ASIC2: variants seen among roughly 807,000 people sequenced by gnomAD.
ASIC2 encodes acid sensing ion channel subunit 2.
In ASIC2, 25 loss-of-function variants were observed where a neutral mutation model predicts 57.3. The ratio of observed to expected loss-of-function variants is 0.44; its 90% CI spans 0.32 to 0.61. The LOEUF is 0.61. Among genes scored for constraint, ASIC2 ranks in the 20% least tolerant of loss-of-function variants. The probability of loss-of-function intolerance (pLI) is 0.06; values close to 1 mark genes in which losing one functional copy is unlikely to be tolerated. For missense variants in ASIC2, 641 were observed against 738.1 expected (o/e 0.87, Z 1.52); for synonymous variants, 319 against 307.5 (o/e 1.04, Z -0.39).
At position 33,558,150 on chromosome 17, in the gene ASIC2, G is replaced by T. The variant is rs577648371; in HGVS notation, c.556-446083C>A. On this transcript the variant is annotated intron_variant, in intron 1 of 9. Transcript: ENST00000359872. ...TGGGTTTCTCCCCGTGTGTGGAGACGAGAGAGTGTAGAAATAAAGACACAA... is the reference window on the plus strand; with the variant it reads ...TGGGTTTCTCCCCGTGTGTGGAGACTAGAGAGTGTAGAAATAAAGACACAA... 2.6e-5 allele frequency among the ~76,000 whole-genome samples: 4 copies of T among 151,830 alleles called. No individual in the cohort carries two copies. The South Asian group carries it at 8.4e-4, about 32-fold the overall frequency.
chr17:33,382,058 G>A (rs1909508959), intron 1 of ASIC2, among the ~76,000 whole-genome samples: 1 of 152,170 alleles, frequency 6.6e-6, no homozygotes, highest in Non-Finnish European at 1.5e-5. Context: ...TCTCCCTGGT[G>A]CTGAAGGGTT....
At chr17:33,419,875 A>C (rs1176202316) in intron 1 of ASIC2, among the ~76,000 whole-genome samples, 1 of 152,208 alleles carries the variant, frequency 6.6e-6, no homozygotes, top group Non-Finnish European at 1.5e-5. Context: ...TAAGGAAAAA[A>C]AAAACTACAG....
chr17:33,160,151 G>C (rs945666063), intron 1 of ASIC2, among the ~76,000 whole-genome samples: 2 of 151,660 alleles, frequency 1.3e-5, no homozygotes. Context: ...GGAGGCTGCA[G>C]TGAGCCAAGA....
intron 1 of ASIC2, among the ~76,000 whole-genome samples, chr17:33,620,501 G>T (rs1304912443): frequency 6.6e-6 from 1 of 152,206 alleles, no homozygotes; most frequent in East Asian, 1.9e-4. Context: ...GCTTTGTGCA[G>T]TGTTTTCTGA....
chr17:33,203,329 A>G (rs1567783097), intron 1 of ASIC2, among the ~76,000 whole-genome samples: 1 of 152,204 alleles, frequency 6.6e-6, no homozygotes, highest in Non-Finnish European at 1.5e-5. Flanking sequence ...TTTTTTAGGC[A>G]TTCTGGGTAG....
At chr17:33,382,537 G>T (rs1441497789) in intron 1 of ASIC2, among the ~76,000 whole-genome samples, 1 of 152,170 alleles carries the variant, frequency 6.6e-6, no homozygotes, top group Non-Finnish European at 1.5e-5. Flanking sequence ...ACTATGTGAA[G>T]TCACATAAGG....
intron 1 of ASIC2, among the ~76,000 whole-genome samples, chr17:33,280,184 C>T (rs1324929614): frequency 6.6e-6 from 1 of 152,006 alleles, no homozygotes; most frequent in Non-Finnish European, 1.5e-5. Flanking sequence ...AAAGACATGG[C>T]AAAAGATGAA....
At chr17:33,754,565 T>C (rs542494629) in intron 1 of ASIC2, among the ~76,000 whole-genome samples, 1 of 152,262 alleles carries the variant, frequency 6.6e-6, no homozygotes, top group East Asian at 1.9e-4. Flanking sequence ...CATGCTGTTG[T>C]TCCTTCTCAG....
At chr17:33,437,813 A>T (rs1300604559) in intron 1 of ASIC2, among the ~76,000 whole-genome samples, 2 of 152,080 alleles carry the variant, frequency 1.3e-5, no homozygotes, top group East Asian at 1.9e-4. Flanking sequence ...AACCCAAAAA[A>T]CTTCCAGATT....
chr17:33,245,117 A>G (rs1052673333), intron 1 of ASIC2, among the ~76,000 whole-genome samples: 4 of 152,228 alleles, frequency 2.6e-5, no homozygotes, highest in African/African-American at 9.7e-5. Context: ...CATCACATGC[A>G]TTATAAAGAC....
At chr17:33,361,950 C>T (rs931733664) in intron 1 of ASIC2, among the ~76,000 whole-genome samples, 10 of 152,172 alleles carry the variant, frequency 6.6e-5, no homozygotes, top group African/African-American at 1.9e-4. Context: ...TATGGTCTCT[C>T]CAATGACTTC....
intron 1 of ASIC2, among the ~76,000 whole-genome samples, chr17:34,016,240 C>T (rs140671578): frequency 7.0e-4 from 106 of 151,958 alleles, no homozygotes; most frequent in African/African-American, 2.4e-3. Context: ...CTGGATAACA[C>T]GGTGAAACCC....
At chr17:33,796,075 T>C (rs896765750) in intron 1 of ASIC2, among the ~76,000 whole-genome samples, 3 of 152,250 alleles carry the variant, frequency 2.0e-5, no homozygotes, top group Non-Finnish European at 2.9e-5. Flanking sequence ...TTCCACTTAA[T>C]AGGCCAAGTG....
intron 1 of ASIC2, among the ~76,000 whole-genome samples, chr17:34,031,855 C>T (rs1304471419): frequency 6.6e-6 from 1 of 152,078 alleles, no homozygotes; most frequent in Non-Finnish European, 1.5e-5. Flanking sequence ...AGACTTATGG[C>T]AGTATGTGGA....
At chr17:33,662,668 T>A (rs2916598) in intron 1 of ASIC2, among the ~76,000 whole-genome samples, 13,339 of 127,946 alleles carry the variant, frequency 0.1, 745 homozygotes, top group Non-Finnish European at 0.11. Context: ...AATAAATAAA[T>A]AAGTAAAATA....
intron 9 of ASIC2, among the ~76,000 whole-genome samples, chr17:33,014,741 T>C (rs2091796827): frequency 6.6e-6 from 1 of 151,948 alleles, no homozygotes; most frequent in Non-Finnish European, 1.5e-5. Flanking sequence ...GGGCCACAAC[T>C]AGGGGAGGAG....
At position 34,092,995 on chromosome 17, in the gene ASIC2, T is replaced by C. The variant is rs537543403; in HGVS notation, c.555+62983A>G. Among the ~76,000 whole-genome samples, 4 of 152,344 alleles carry C rather than the reference T, an allele frequency of 2.6e-5. No homozygotes were observed. The South Asian group carries it at 8.3e-4, about 32-fold the overall frequency. On this transcript the variant is annotated intron_variant, in intron 1 of 9. Transcript: ENST00000359872. The stretch of plus-strand genomic sequence containing the variant: ...AAGCTTGATTTTTTCCCCTCAACAT[T>C]AGGTTTGTGTGATTTATCTGTGTTG...
intron 2 of ASIC2, among the ~76,000 whole-genome samples, chr17:33,101,077 G>T (rs1407279717): frequency 6.6e-6 from 1 of 152,202 alleles, no homozygotes; most frequent in Non-Finnish European, 1.5e-5. Flanking sequence ...TAACATCCCA[G>T]CTGGCTGCTG....
intron 1 of ASIC2, among the ~76,000 whole-genome samples, chr17:33,833,461 C>A (rs774520705): frequency 6.6e-6 from 1 of 151,982 alleles, no homozygotes; most frequent in African/African-American, 2.4e-5. Context: ...AGATAGTATA[C>A]GCTGTTTTAA....
Sources: allele counts gnomAD v4.1 joint callset (sites outside exome capture counted in the v4.1 genomes callset), GRCh38; gene constraint gnomAD v4.1.1; transcripts MANE v1.5; gene names NCBI Gene and HGNC (gene_info 2026-07-23, HGNC 2026-07-21).